RAI2: variants seen among roughly 807,000 people sequenced by gnomAD.
The protein encoded by RAI2 is retinoic acid induced 2, also known as retinoic acid-induced protein 2.
In RAI2, 5 loss-of-function variants were observed where a neutral mutation model predicts 15.3. The observed-to-expected ratio is 0.33, with a 90% CI of 0.17 to 0.69. The LOEUF (loss-of-function observed/expected upper bound fraction) is 0.69, where lower values mean the gene tolerates loss of function less well. Ranked by LOEUF, RAI2 falls within the 30% of genes least tolerant of loss-of-function variation. The pLI, the probability that RAI2 is intolerant of heterozygous loss-of-function variation, is 0.69. For synonymous variants in RAI2, 191 were observed against 184.0 expected, an observed-to-expected ratio of 1.04 and a Z score of -0.31; for missense variants, 424 against 424.7, an observed-to-expected ratio of 1.00 and a Z score of 0.01.
intron 1 of RAI2, among the ~76,000 whole-genome samples, chrX:17,846,984 C>A (rs138844163): frequency 1.1e-3 from 127 of 111,678 alleles, no homozygotes; most frequent in African/African-American, 4.0e-3. Context: ...GATGGGAGTT[C>A]CCCTGCACAA....
intron 1 of RAI2, among the ~76,000 whole-genome samples, chrX:17,855,806 A>G (rs1260709008): frequency 1.8e-5 from 2 of 112,616 alleles, no homozygotes; most frequent in African/African-American, 6.5e-5. Context: ...TATCATATTT[A>G]ACTAATATAT....
At chrX:17,840,952 C>A (rs1014278071) in intron 1 of RAI2, among the ~76,000 whole-genome samples, 5 of 111,996 alleles carry the variant, frequency 4.5e-5, no homozygotes, top group African/African-American at 1.6e-4. Context: ...GGGGACTAAC[C>A]AGCAATCACT....
At chrX:17,850,942 C>G (rs1358795433) in intron 1 of RAI2, among the ~76,000 whole-genome samples, 1 of 112,960 alleles carries the variant, frequency 8.9e-6, no homozygotes, top group Non-Finnish European at 1.9e-5. Flanking sequence ...TGCATTTTCA[C>G]TTTTCTTCCA....
At chrX:17,842,242 GA>G (rs2067406546) in intron 1 of RAI2, among the ~76,000 whole-genome samples, 1 of 111,442 alleles carries the variant, frequency 9.0e-6, no homozygotes, top group South Asian at 3.9e-4. Context: ...ACAGTCCATG[GA>G]AAACCAGGGA....
intron 1 of RAI2, among the ~76,000 whole-genome samples, chrX:17,818,897 C>T (rs1038378326): frequency 1.8e-5 from 2 of 113,059 alleles, no homozygotes; most frequent in Non-Finnish European, 3.7e-5. Context: ...ACGGGCTGTT[C>T]TGTGCCTGCC....
intron 1 of RAI2, among the ~76,000 whole-genome samples, chrX:17,805,669 C>G (rs2066970527): frequency 8.9e-6 from 1 of 112,366 alleles, no homozygotes; most frequent in African/African-American, 3.2e-5. Flanking sequence ...GAGCAGTATG[C>G]AGGATCTCAG....
intron 1 of RAI2, among the ~76,000 whole-genome samples, chrX:17,821,151 G>A (rs1336880125): frequency 1.8e-5 from 2 of 112,112 alleles, no homozygotes; most frequent in African/African-American, 6.5e-5. Flanking sequence ...TCATGACAAT[G>A]TTCTATACAT....
At chrX:17,811,920 A>G (rs1373905248) in intron 1 of RAI2, among the ~76,000 whole-genome samples, 1 of 110,735 alleles carries the variant, frequency 9.0e-6, no homozygotes, top group Admixed American at 9.5e-5. Context: ...TCTGTGTAAA[A>G]TGATTAAAAA....
chrX:17,829,773 C>G (rs755355983), intron 1 of RAI2, among the ~76,000 whole-genome samples: 1 of 112,915 alleles, frequency 8.9e-6, no homozygotes, highest in South Asian at 3.7e-4. Flanking sequence ...AAAATTCCCC[C>G]TTTGCTCATC....
At chrX:17,840,160 C>T (rs2147264568) in intron 1 of RAI2, among the ~76,000 whole-genome samples, 1 of 111,892 alleles carries the variant, frequency 8.9e-6, no homozygotes, top group South Asian at 3.8e-4. Flanking sequence ...TTCTAAGTGT[C>T]CATCACTGGC....
chrX:17,816,141 A>G (rs1261762192), intron 1 of RAI2, among the ~76,000 whole-genome samples: 2 of 107,078 alleles, frequency 1.9e-5, no homozygotes, highest in Non-Finnish European at 3.8e-5. Context: ...AGCATTTACC[A>G]TGCTCCCCAC....
chrX:17,819,988 T>C lies in RAI2; in HGVS notation c.-24-17954A>G, dbSNP rs369300966. ...GATTCAAGAAAAGAGATATTAAAAA[T>C]ACTATTGAATAACCACAGAAAGGAG... On this transcript the variant is annotated intron_variant, in intron 1 of 1. Transcript: ENST00000451717. Among the ~76,000 whole-genome samples, 3 of 112,417 alleles carry C rather than the reference T, an allele frequency of 2.7e-5. 1 individual carries two copies.
chrX:17,830,742 G>A (rs905233938), intron 1 of RAI2, among the ~76,000 whole-genome samples: 1 of 108,619 alleles, frequency 9.2e-6, no homozygotes, highest in Non-Finnish European at 1.9e-5. Context: ...GGGTGTGTGT[G>A]GGGGGGTGTT....
At chrX:17,854,623 TAAC>T (rs929944727) in intron 1 of RAI2, among the ~76,000 whole-genome samples, 5 of 111,440 alleles carry the variant, frequency 4.5e-5, no homozygotes, top group African/African-American at 9.8e-5. Context: ...AAGGCAAAAA[TAAC>T]AACAACAATA....
intron 1 of RAI2, among the ~76,000 whole-genome samples, chrX:17,830,270 G>A (rs2067267982): frequency 8.9e-6 from 1 of 112,322 alleles, no homozygotes; most frequent in African/African-American, 3.2e-5. Context: ...TCAATTATTT[G>A]AGAGAACTCT....
At chrX:17,852,232 G>A (rs1260723955) in intron 1 of RAI2, among the ~76,000 whole-genome samples, 1 of 112,075 alleles carries the variant, frequency 8.9e-6, no homozygotes, top group Non-Finnish European at 1.9e-5. Context: ...ATGGCGACAA[G>A]GAAGACTTCA....
At chrX:17,845,365 A>C (rs1194260360) in intron 1 of RAI2, among the ~76,000 whole-genome samples, 1 of 112,160 alleles carries the variant, frequency 8.9e-6, no homozygotes, top group African/African-American at 3.2e-5. Flanking sequence ...CACCCTCCAT[A>C]TTCTAGTTGT....
At chrX:17,841,441 C>T (rs1191437299) in intron 1 of RAI2, among the ~76,000 whole-genome samples, 12 of 112,177 alleles carry the variant, frequency 1.1e-4, no homozygotes, top group Admixed American at 2.8e-4. Context: ...ATCATTTTTT[C>T]CCTTAAGCTC....
At position 17,800,781 on chromosome X, in the gene RAI2, C is replaced by G; in HGVS notation, c.1230G>C (p.Glu410Asp). 8.3e-7 allele frequency: 1 copy of G among 1,211,862 alleles called. No homozygotes were observed. The highest frequency in any genetic ancestry group is 1.1e-6 in the Non-Finnish European group (1 of 895,560). Residue 410 changes from glutamate to aspartate, a missense_variant, in exon 2 of 2, where the codon GAG becomes GAC. By Grantham distance (45) the Glu-to-Asp change is conservative. Transcript: ENST00000451717. The stretch of plus-strand genomic sequence containing the variant: ...TGGGGTGGTTGGGCTGGCTGAGCAT[C>G]TCGGTAGCAGCATCACTGCTGCTGA... ...SHISSSDAAT[E>D]MLSQPNHPSG...
Sources: allele counts gnomAD v4.1 joint callset (sites outside exome capture counted in the v4.1 genomes callset), GRCh38; gene constraint gnomAD v4.1.1; transcripts MANE v1.5; gene names NCBI Gene and HGNC (gene_info 2026-07-23, HGNC 2026-07-21).